Variants in PKP4 observed in about 807,000 individuals in gnomAD.
PKP4 encodes plakophilin 4.
In PKP4, 90 loss-of-function variants were observed where a neutral mutation model predicts 145.1. The observed-to-expected ratio is 0.62, with a 90% CI of 0.52 to 0.74. The LOEUF (loss-of-function observed/expected upper bound fraction) is 0.74. PKP4 is among the 30% of genes least tolerant of loss of function. The pLI is 0.00. For synonymous variants in PKP4, 563 were observed against 577.2 expected (o/e 0.98, Z 0.35); for missense variants, 1,340 against 1,482.7 (o/e 0.90, Z 1.58).
At chr2:158,605,600 T>C (rs2050592212) in intron 4 of PKP4, among the ~76,000 whole-genome samples, 1 of 152,160 alleles carries the variant, frequency 6.6e-6, no homozygotes, top group African/African-American at 2.4e-5. Context: ...TTTTCTTTCT[T>C]TATGTATAAT....
chr2:158,551,788 A>G (rs2045649430), intron 2 of PKP4, among the ~76,000 whole-genome samples: 1 of 152,274 alleles, frequency 6.6e-6, no homozygotes, highest in Admixed American at 6.5e-5. Flanking sequence ...CAAAATAAGT[A>G]TCTCACATTT....
At chr2:158,494,940 C>T (rs577571020) in intron 1 of PKP4, among the ~76,000 whole-genome samples, 4 of 151,868 alleles carry the variant, frequency 2.6e-5, no homozygotes, top group South Asian at 2.1e-4. Context: ...ATGAGGTGGC[C>T]GGGCGCGGTG....
At chr2:158,581,976 T>C (rs973414138) in intron 3 of PKP4, among the ~76,000 whole-genome samples, 2 of 152,220 alleles carry the variant, frequency 1.3e-5, no homozygotes, top group African/African-American at 4.8e-5. Flanking sequence ...GCACTATCAA[T>C]ATATTATAAT....
At chr2:158,644,168 A>G (rs2054603450) in intron 11 of PKP4, among the ~76,000 whole-genome samples, 1 of 152,234 alleles carries the variant, frequency 6.6e-6, no homozygotes, top group South Asian at 2.1e-4. Flanking sequence ...TTCTTCCAGC[A>G]GGCAGCAGGG....
At chr2:158,544,746 T>G (rs1247801736) in intron 2 of PKP4, among the ~76,000 whole-genome samples, 3 of 152,198 alleles carry the variant, frequency 2.0e-5, no homozygotes, top group Non-Finnish European at 4.4e-5. Context: ...CTACTCCAAC[T>G]TATCTGTTAT....
rs777770230 is a variant in PKP4 at position 158,631,945 on chromosome 2, G to A, written c.1342+4G>A. On this transcript the variant is annotated splice_donor_region_variant and intron_variant, in intron 8 of 21. Transcript: ENST00000389759. Reference sequence around the variant, plus strand: ...GCGTTGTATCGCACAGGTTCAGGTGGGCATCAACTCTGTTTACTGGTTTCC... The same window carrying A: ...GCGTTGTATCGCACAGGTTCAGGTGAGCATCAACTCTGTTTACTGGTTTCC... The A allele has an allele frequency of 2.5e-6, 4 of 1,612,822 alleles. No homozygotes were observed. The highest frequency in any genetic ancestry group is 2.2e-5 in the South Asian group (2 of 91,022).
chr2:158,462,126 A>G (rs920283359), intron 1 of PKP4, among the ~76,000 whole-genome samples: 2 of 152,228 alleles, frequency 1.3e-5, no homozygotes, highest in Non-Finnish European at 2.9e-5. Context: ...CTTTTGAAAC[A>G]CTGGCTAGGT....
At chr2:158,610,092 T>C (rs957661467) in intron 4 of PKP4, among the ~76,000 whole-genome samples, 10 of 152,356 alleles carry the variant, frequency 6.6e-5, no homozygotes, top group Admixed American at 5.9e-4. Flanking sequence ...ACCCTCTAGC[T>C]TACCAGTGTT....
chr2:158,547,344 A>G (rs2045160110), intron 2 of PKP4, among the ~76,000 whole-genome samples: 1 of 152,222 alleles, frequency 6.6e-6, no homozygotes, highest in Non-Finnish European at 1.5e-5. Flanking sequence ...GAACCCAACC[A>G]TTGATACATG....
chr2:158,500,667 G>C (rs1696420887), intron 1 of PKP4, among the ~76,000 whole-genome samples: 1 of 152,178 alleles, frequency 6.6e-6, no homozygotes, highest in Non-Finnish European at 1.5e-5. Flanking sequence ...GATTGAGTCA[G>C]CCCTCTTACA....
chr2:158,560,205 A>T (rs1180306157), intron 2 of PKP4, among the ~76,000 whole-genome samples: 1 of 152,190 alleles, frequency 6.6e-6, no homozygotes, highest in Non-Finnish European at 1.5e-5. Flanking sequence ...GGCTATATAA[A>T]GAAATCATGC....
intron 1 of PKP4, among the ~76,000 whole-genome samples, chr2:158,472,852 A>G (rs1223437701): frequency 2.0e-5 from 3 of 152,184 alleles, no homozygotes; most frequent in Non-Finnish European, 1.5e-5. Context: ...GTTAAAATAT[A>G]TCCATTTACA....
intron 1 of PKP4, among the ~76,000 whole-genome samples, chr2:158,481,301 AT>A (rs762682989): frequency 1.9e-4 from 29 of 152,280 alleles, no homozygotes; most frequent in East Asian, 1.4e-3. Flanking sequence ...AGCTATGGGC[AT>A]TTGGATTGTT....
chr2:158,670,798 C>T (rs1156285536), intron 17 of PKP4, among the ~76,000 whole-genome samples: 1 of 152,206 alleles, frequency 6.6e-6, no homozygotes, highest in Admixed American at 6.5e-5. Context: ...TTTGCTTCTG[C>T]ATGACACCTC....
chr2:158,552,690 C>G (rs746998020), intron 2 of PKP4, among the ~76,000 whole-genome samples: 2 of 152,096 alleles, frequency 1.3e-5, no homozygotes, highest in Non-Finnish European at 2.9e-5. Flanking sequence ...CGCAATAAAG[C>G]TAATATTCCA....
At chr2:158,493,175 C>G (rs1695195193) in intron 1 of PKP4, among the ~76,000 whole-genome samples, 1 of 152,026 alleles carries the variant, frequency 6.6e-6, no homozygotes, top group Non-Finnish European at 1.5e-5. Flanking sequence ...TAGATATTAT[C>G]TATTATTGTT....
chr2:158,647,213 A>G (rs1169733015), intron 11 of PKP4, among the ~76,000 whole-genome samples: 16 of 152,200 alleles, frequency 1.1e-4, no homozygotes, highest in Non-Finnish European at 2.4e-4. Context: ...TACCATGGCT[A>G]GCCTTGCACG....
intron 11 of PKP4, among the ~76,000 whole-genome samples, chr2:158,643,113 C>T (rs1473116921): frequency 1.3e-5 from 2 of 152,108 alleles, no homozygotes; most frequent in Non-Finnish European, 2.9e-5. Context: ...TTCCCACGTA[C>T]TTTACTAGGC....
At chr2:158,481,058 A>G (rs911315782) in intron 1 of PKP4, among the ~76,000 whole-genome samples, 6 of 152,154 alleles carry the variant, frequency 3.9e-5, no homozygotes, top group African/African-American at 1.4e-4. Context: ...GTTTCTTTTT[A>G]AATTAATTTC....
Sources: allele counts gnomAD v4.1 joint callset (sites outside exome capture counted in the v4.1 genomes callset), GRCh38; gene constraint gnomAD v4.1.1; transcripts MANE v1.5; gene names NCBI Gene and HGNC (gene_info 2026-07-23, HGNC 2026-07-21).